HTRA2: variants seen among roughly 807,000 people sequenced by gnomAD.
The protein encoded by HTRA2 is serine protease HTRA2, mitochondrial.
Under a neutral mutation model 42.2 loss-of-function variants are expected in HTRA2, and 24 were observed. The observed-to-expected ratio is 0.57, with a 90% CI of 0.41 to 0.80. The LOEUF (loss-of-function observed/expected upper bound fraction) is 0.80, where lower values mean the gene tolerates loss of function less well. Among genes scored for constraint, HTRA2 ranks in the 30% least tolerant of loss-of-function variants. The pLI is 0.00. For synonymous variants in HTRA2, 245 were observed against 255.8 expected, an observed-to-expected ratio of 0.96 and a Z score of 0.40; for missense variants, 466 against 613.5, an observed-to-expected ratio of 0.76 and a Z score of 2.54.
chr2:74,531,965 G>A, intron 6 of HTRA2, 40 bp downstream of exon 6: 2 of 1,569,734 alleles, frequency 1.3e-6, no homozygotes, highest in East Asian at 2.2e-5. Context: ...TGTGACCAGT[G>A]TAATCAGAGG....
At chr2:74,529,545 C>T (rs1207723976), upstream of HTRA2, 3 of 1,550,094 alleles carry the variant, frequency 1.9e-6, no homozygotes, top group South Asian at 2.4e-5. Flanking sequence ...GCCGAGAGCA[C>T]GCGGGGATCG....
In HTRA2 at chr2:74,530,200, T is replaced by A. The variant is rs780319903; in HGVS notation, c.194T>A (p.Val65Asp). 6.2e-7 allele frequency: 1 copy of A among 1,611,134 alleles called. No individual in the cohort carries two copies. Among genetic ancestry groups the A allele is most frequent in the South Asian group, 1.1e-5 (1 of 90,794 alleles). The change falls in exon 1 of 8, where the codon GTC becomes GAC. Residue 65 changes from valine to aspartate, a missense_variant. Around this residue, in one of 3 missense-constraint regions of HTRA2, gnomAD observed 222 missense variants for 205.1 expected, o/e 1.08. Coordinates refer to ENST00000258080, the MANE Select transcript of HTRA2 (RefSeq NM_013247.5). The surrounding 1 kb of genome is among the most constrained non-coding windows in gnomAD (Gnocchi z 7.4). ...PSLWARLSVGVTEPRACLTSG... is the reference protein window; with the variant it reads ...PSLWARLSVGDTEPRACLTSG... ...CTCTGGGCCCGGTTGTCTGTTGGGG[T>A]CACTGAACCCCGAGCATGCCTGACG...
intron 4 of HTRA2, 26 bp downstream of exon 4, chr2:74,531,397 GA>G: frequency 6.2e-7 from 1 of 1,613,754 alleles, no homozygotes; most frequent in Non-Finnish European, 8.5e-7. Context: ...TTCCTTCCAA[GA>G]ATCCCTGCCC....
upstream of HTRA2, chr2:74,529,521 G>A: frequency 2.6e-6 from 4 of 1,548,916 alleles, no homozygotes; most frequent in Admixed American, 1.9e-5. Flanking sequence ...AGGCGAAGTG[G>A]TCAGGCGCCG....
At chr2:74,529,448 G>A (rs1257071119), upstream of HTRA2, 22 of 1,569,110 alleles carry the variant, frequency 1.4e-5, no homozygotes, top group Non-Finnish European at 1.8e-5. Flanking sequence ...GGCAGAACCC[G>A]ACTGGCGCGT....
Position 74,530,620 on chromosome 2 carries a change from C to T in HTRA2, c.510C>T (p.His170=), listed in dbSNP as rs200747610. The T allele has an allele frequency of 9.5e-5, 154 of 1,614,116 alleles. No individual in the cohort carries two copies. In the African/African-American group the frequency reaches 1.7e-3, roughly 18 times the overall value. Residue 170 remains histidine, a synonymous_variant, in exon 2 of 8, where the codon CAC becomes CAT. Coordinates refer to ENST00000258080, the MANE Select transcript of HTRA2 (RefSeq NM_013247.5). The surrounding 1 kb of genome is among the most constrained non-coding windows in gnomAD (Gnocchi z 7.4). Reference sequence around the variant, plus strand: ...CTGTGCTTTCCCTCCATTTCAGGCACCCTTTCTTGGGCCGCGAGGTCCCTA... The same window carrying T: ...CTGTGCTTTCCCTCCATTTCAGGCATCCTTTCTTGGGCCGCGAGGTCCCTA... ...AVVYIEILDR[H]PFLGREVPIS...
intron 3 of HTRA2, 85 bp from the exon 4 acceptor site, chr2:74,531,254 G>T: frequency 6.4e-7 from 1 of 1,569,336 alleles, no homozygotes; most frequent in Non-Finnish European, 8.8e-7. Context: ...AGAAAGAAGA[G>T]AATTTGGAGA....
intron 3 of HTRA2, 47 bp downstream of exon 3, chr2:74,531,152 G>C: frequency 6.2e-7 from 1 of 1,601,464 alleles, no homozygotes. Context: ...GGAGGGGGGA[G>C]AGGCTGTGTG....
At chr2:74,529,485 C>A, upstream of HTRA2, 1 of 1,555,224 alleles carries the variant, frequency 6.4e-7, no homozygotes, top group South Asian at 1.2e-5. Flanking sequence ...CAGTAGGAAG[C>A]AGTCACCCGG....
At chr2:74,529,775 T>C (rs1047179810), upstream of HTRA2, 2 of 1,468,110 alleles carry the variant, frequency 1.4e-6, no homozygotes, top group African/African-American at 2.8e-5. Flanking sequence ...GGGCTAGCGG[T>C]CCCAGCATAC....
At chr2:74,532,741 G>A (rs1222783422) in intron 7 of HTRA2, 27 bp downstream of exon 7, 3 of 1,612,306 alleles carry the variant, frequency 1.9e-6, no homozygotes, top group Middle Eastern at 1.7e-4. Flanking sequence ...AGTGTGATAT[G>A]GGGATGGGCA....
At position 74,530,656 on chromosome 2, in the gene HTRA2, C is replaced by T; in HGVS notation, c.546C>T (p.Gly182=). The T allele has an allele frequency of 6.2e-7, 1 of 1,614,190 alleles. No individual in the cohort carries two copies. The highest frequency in any genetic ancestry group is 8.5e-7 in the Non-Finnish European group (1 of 1,180,050). ...GCCGCGAGGTCCCTATCTCGAACGG[C>T]TCAGGATTCGTGGTGGCTGCCGATG... ...FLGREVPISN[G]SGFVVAADGL... Residue 182 remains glycine (G), a synonymous_variant, in exon 2 of 8, where the codon GGC becomes GGT. Transcript: ENST00000258080. The surrounding 1 kb of genome is among the most constrained non-coding windows in gnomAD (Gnocchi z 7.4).
chr2:74,533,518 A>G (rs1675778416), downstream of HTRA2: 1 of 1,216,270 alleles, frequency 8.2e-7, no homozygotes, highest in Non-Finnish European at 1.2e-6. Flanking sequence ...GGTTGCTGAC[A>G]TGGGTTTCTT....
In HTRA2 at chr2:74,531,943, A is replaced by G. The variant is rs1675641785; in HGVS notation, c.1115+18A>G. The G allele has an allele frequency of 1.9e-6, 3 of 1,612,572 alleles. No individual in the cohort carries two copies. The highest frequency in any genetic ancestry group is 2.2e-5 in the South Asian group (2 of 91,040). ...AGTCCCAGGTATGAGCTTTAGGGACAGTGACATGTAATGTGACCAGTGTAA... is the reference window on the plus strand; with the variant it reads ...AGTCCCAGGTATGAGCTTTAGGGACGGTGACATGTAATGTGACCAGTGTAA... On this transcript the variant is annotated intron_variant, in intron 6 of 7. Transcript: ENST00000258080.
At position 74,530,894 on chromosome 2, in the gene HTRA2, T is replaced by A. The variant is rs779949168; in HGVS notation, c.712-17T>A. The A allele has an allele frequency of 6.2e-7, 1 of 1,614,166 alleles. No homozygotes were observed. The highest frequency in any genetic ancestry group is 1.7e-5 in the Admixed American group (1 of 60,034). On this transcript the variant is annotated splice_polypyrimidine_tract_variant and intron_variant, in intron 2 of 7. Transcript: ENST00000258080. The surrounding 1 kb of genome is among the most constrained non-coding windows in gnomAD (Gnocchi z 7.4). ...GCATCTTCAGATGACAGGTCTCTTT[T>A]ACCCATTCTCCCTTAGGAGCCTCTC...
Position 74,530,116 on chromosome 2 carries a change from C to A in HTRA2, c.110C>A (p.Ala37Asp). 1 of 1,610,150 alleles carries A rather than the reference C, an allele frequency of 6.2e-7. No homozygotes were observed. Among genetic ancestry groups the A allele is most frequent in the Non-Finnish European group, 8.5e-7 (1 of 1,177,694 alleles). ...CCCCGTTTGACCCCTGACCTCCGGGCCCTGCTGACGTCAGGAACTTCTGAC... is the reference window on the plus strand; with the variant it reads ...CCCCGTTTGACCCCTGACCTCCGGGACCTGCTGACGTCAGGAACTTCTGAC... Reference protein sequence around the residue: ...RRPRLTPDLRALLTSGTSDPR... With the variant: ...RRPRLTPDLRDLLTSGTSDPR... Residue 37 changes from alanine to aspartate, a missense_variant, in exon 1 of 8, where the codon GCC (alanine) becomes GAC (aspartate). By Grantham distance (126) the Ala-to-Asp change is moderately radical (BLOSUM62 -2). Around this residue, in one of 3 missense-constraint regions of HTRA2, gnomAD observed 222 missense variants for 205.1 expected, o/e 1.08. Coordinates refer to ENST00000258080, the MANE Select transcript of HTRA2 (RefSeq NM_013247.5). The surrounding 1 kb of genome is among the most constrained non-coding windows in gnomAD (Gnocchi z 7.4).
Position 74,530,621 on chromosome 2 carries a change from C to G in HTRA2, c.511C>G (p.Pro171Ala). 6.2e-7 allele frequency: 1 copy of G among 1,614,062 alleles called. No homozygotes were observed. The highest frequency in any genetic ancestry group is 8.5e-7 in the Non-Finnish European group (1 of 1,180,022). Residue 171 changes from proline to alanine, a missense_variant, in exon 2 of 8, where the codon CCT becomes GCT. By Grantham distance (27) the Pro-to-Ala change is conservative. Coordinates refer to ENST00000258080, the MANE Select transcript of HTRA2 (RefSeq NM_013247.5). The surrounding 1 kb of genome is among the most constrained non-coding windows in gnomAD (Gnocchi z 7.4). ...VVYIEILDRH[P>A]FLGREVPISN... is the part of the protein sequence containing the mutation. The stretch of plus-strand genomic sequence containing the variant: ...TGTGCTTTCCCTCCATTTCAGGCAC[C>G]CTTTCTTGGGCCGCGAGGTCCCTAT...
In HTRA2 at chr2:74,530,140, AC is replaced by A. The variant is rs1411383758; in HGVS notation, c.139del (p.Arg47GlyfsTer4). On this transcript the variant is annotated frameshift_variant, in exon 1 of 8. Transcript: ENST00000258080. LOFTEE classifies it high-confidence loss of function. The surrounding 1 kb of genome is among the most constrained non-coding windows in gnomAD (Gnocchi z 7.4). ...LRALLTSGTS[D>X]PRARVTYGTP... ...GCCCTGCTGACGTCAGGAACTTCTG[AC>A]CCCCGGGCCCGAGTGACTTATGGGA... 1 of 1,611,314 alleles carries A rather than the reference AC, an allele frequency of 6.2e-7. No homozygotes were observed. Among genetic ancestry groups the A allele is most frequent in the Admixed American group, 1.7e-5 (1 of 59,928 alleles).
In HTRA2 at chr2:74,532,644, G is replaced by C; in HGVS notation, c.1141G>C (p.Glu381Gln). 1 of 1,613,598 alleles carries C rather than the reference G, an allele frequency of 6.2e-7. No homozygotes were observed. Among genetic ancestry groups the C allele is most frequent in the Non-Finnish European group, 8.5e-7 (1 of 1,180,004 alleles). ...CATCCTTGCTGAACTACAGCTTCGA[G>C]AACCAAGCTTTCCCGATGTTCAGCA... is the stretch of plus-strand genomic sequence containing the variant. ...PSILAELQLR[E>Q]PSFPDVQHGV... The change falls in exon 7 of 8, where the codon GAA (glutamate) becomes CAA (glutamine). Residue 381 changes from glutamate to glutamine, a missense_variant. By Grantham distance (29) the Glu-to-Gln change is conservative. Transcript: ENST00000258080.
Sources: allele counts gnomAD v4.1 joint callset, GRCh38; gene constraint gnomAD v4.1.1; regional missense constraint gnomAD v4.1.1; non-coding constraint Gnocchi (gnomAD v3.1); transcripts MANE v1.5; gene names NCBI Gene and HGNC (gene_info 2026-07-23, HGNC 2026-07-21).